SUMF1: variants seen among roughly 807,000 people sequenced by gnomAD.
SUMF1 encodes the protein sulfatase modifying factor 1, also known as formylglycine-generating enzyme.
SUMF1 carries 48 observed loss-of-function variants against 47.6 expected under a neutral mutation model. The ratio of observed to expected loss-of-function variants is 1.01; its 90% CI spans 0.80 to 1.28. The LOEUF is 1.28. SUMF1 is among the 50% of genes most tolerant of loss of function. The pLI, the probability that SUMF1 is intolerant of heterozygous loss-of-function variation, is 0.00. For synonymous variants in SUMF1, 230 were observed against 192.1 expected (o/e 1.20, Z -1.63); for missense variants, 571 against 485.4 (o/e 1.18, Z -1.66).
At chr3:4,366,110 T>A (rs11923315) in intron 8 of SUMF1, among the ~76,000 whole-genome samples, 3,020 of 152,010 alleles carry the variant, frequency 0.02, 103 homozygotes, top group African/African-American at 0.069. Flanking sequence ...GGGCTTCCCT[T>A]CGTGGGTAAC....
chr3:4,110,735 T>C (rs1477328447), intron 8 of SUMF1, among the ~76,000 whole-genome samples: 2 of 150,766 alleles, frequency 1.3e-5, no homozygotes, highest in African/African-American at 2.4e-5. Context: ...CAGCAATCTA[T>C]CGCAAGGACA....
rs137966605 is a variant in SUMF1 at position 4,173,860 on chromosome 3, C to G, written c.1015-105115G>C. Among the ~76,000 whole-genome samples the G allele has an allele frequency of 2.9e-3, 436 of 152,178 alleles. 3 individuals are homozygous for G. The highest frequency in any genetic ancestry group is 9.7e-3 in the African/African-American group (404 of 41,530). On this transcript the variant is annotated intron_variant and NMD_transcript_variant, in intron 8 of 12. Transcript: ENST00000448413. The stretch of plus-strand genomic sequence containing the variant: ...CACATGGACACAGGGAGGGGAACAT[C>G]ACACACGAGGGCCTGTCGGAGGTGG...
At chr3:4,376,481 C>T (rs1299414602) in intron 7 of SUMF1, 92 bp from the exon 8 acceptor site, 2 of 1,328,328 alleles carry the variant, frequency 1.5e-6, no homozygotes, top group Admixed American at 1.7e-5. Context: ...AACCAGCTCT[C>T]TCATGGTTGC....
At chr3:4,349,482 G>T (rs978699554) in intron 8 of SUMF1, among the ~76,000 whole-genome samples, 1 of 152,112 alleles carries the variant, frequency 6.6e-6, no homozygotes, top group African/African-American at 2.4e-5. Context: ...TACCATTCCT[G>T]GATATATACC....
At chr3:4,226,935 G>GTAA (rs764422279) in intron 8 of SUMF1, among the ~76,000 whole-genome samples, 48 of 152,090 alleles carry the variant, frequency 3.2e-4, no homozygotes, top group Admixed American at 9.8e-4. Context: ...ATCACTCTGG[G>GTAA]GGCTAAAACA....
At chr3:4,205,339 C>G (rs1695627910) in intron 8 of SUMF1, among the ~76,000 whole-genome samples, 1 of 152,168 alleles carries the variant, frequency 6.6e-6, no homozygotes, top group Non-Finnish European at 1.5e-5. Context: ...CCACCTTTTG[C>G]TGACTGTCTT....
At chr3:4,458,574 G>A (rs1055326660) in intron 1 of SUMF1, among the ~76,000 whole-genome samples, 8 of 152,046 alleles carry the variant, frequency 5.3e-5, no homozygotes, top group Non-Finnish European at 1.2e-4. Flanking sequence ...AAGAAAACTC[G>A]GCCAGGTGCG....
At chr3:4,148,830 A>G (rs561696234) in intron 8 of SUMF1, among the ~76,000 whole-genome samples, 2 of 152,154 alleles carry the variant, frequency 1.3e-5, no homozygotes, top group Non-Finnish European at 2.9e-5. Context: ...GAAATCACCA[A>G]ATCTCACATT....
At position 4,156,783 on chromosome 3, in the gene SUMF1, C is replaced by T. The variant is rs1489029461; in HGVS notation, c.1015-88038G>A. On this transcript the variant is annotated intron_variant and NMD_transcript_variant, in intron 8 of 12. Coordinates refer to the SUMF1 transcript ENST00000448413. ...TGCCCTAATTGCTAGACAACCCAAG[C>T]GAATTCAATCCATTTGAGTTCAACT... Among the ~76,000 whole-genome samples, 3 of 151,608 alleles carry T rather than the reference C, an allele frequency of 2.0e-5. 1 individual carries two copies. Among genetic ancestry groups the T allele is most frequent in the African/African-American group, 4.9e-5 (2 of 40,904 alleles).
intron 9 of SUMF1, among the ~76,000 whole-genome samples, chr3:4,042,430 T>TATC (rs1452527711): frequency 1.3e-5 from 2 of 152,134 alleles, no homozygotes; most frequent in African/African-American, 4.8e-5. Context: ...CAAGAAACAC[T>TATC]ATCACAATGA....
intron 3 of SUMF1, among the ~76,000 whole-genome samples, chr3:4,438,593 A>G (rs1702477600): frequency 6.6e-6 from 1 of 152,138 alleles, no homozygotes; most frequent in African/African-American, 2.4e-5. Flanking sequence ...GTAATTTTTC[A>G]TCTGAGGAAG....
intron 8 of SUMF1, among the ~76,000 whole-genome samples, chr3:4,154,760 T>C (rs954895360): frequency 1.3e-5 from 2 of 150,818 alleles, no homozygotes; most frequent in African/African-American, 4.9e-5. Flanking sequence ...TAAATAAGAG[T>C]TTTTCTAAGA....
intron 8 of SUMF1, among the ~76,000 whole-genome samples, chr3:4,086,428 G>A (rs57320257): frequency 0.084 from 12,739 of 151,898 alleles, 1,356 homozygotes; most frequent in African/African-American, 0.22. Context: ...TACAATATTG[G>A]ACAGCTGTGT....
intron 8 of SUMF1, among the ~76,000 whole-genome samples, chr3:4,332,605 T>A (rs959916559): frequency 1.3e-5 from 2 of 152,192 alleles, no homozygotes; most frequent in African/African-American, 4.8e-5. Context: ...TTCTTAAAGA[T>A]GTTTCTTTTA....
Position 4,210,859 on chromosome 3 carries a change from G to A in SUMF1, c.1015-142114C>T, listed in dbSNP as rs371819831. 4.9e-4 allele frequency among the ~76,000 whole-genome samples: 74 copies of A among 151,776 alleles called. No individual in the cohort carries two copies. In the South Asian group the frequency reaches 0.015, roughly 32 times the overall value. On this transcript the variant is annotated intron_variant and NMD_transcript_variant, in intron 8 of 12. Transcript: ENST00000448413. ...AGGCAGACCCACCCTTGATCTGGGTGGGCACCACCTAATCAGCTGCCAATA... is the reference window on the plus strand; with the variant it reads ...AGGCAGACCCACCCTTGATCTGGGTAGGCACCACCTAATCAGCTGCCAATA...
chr3:4,376,226 G>C (rs1700322653), intron 8 of SUMF1, 104 bp downstream of exon 8: 1 of 1,354,750 alleles, frequency 7.4e-7, no homozygotes, highest in Non-Finnish European at 1.1e-6. Context: ...GGTTAGGTAG[G>C]CATTTGCAGA....
intron 1 of SUMF1, among the ~76,000 whole-genome samples, chr3:4,457,162 A>C (rs1027501996): frequency 1.3e-5 from 2 of 150,754 alleles, no homozygotes; most frequent in Non-Finnish European, 2.9e-5. Context: ...GGATGGTCTC[A>C]ATCTCCTGAC....
At chr3:4,296,110 T>C (rs1023246797) in intron 8 of SUMF1, among the ~76,000 whole-genome samples, 3 of 103,324 alleles carry the variant, frequency 2.9e-5, no homozygotes, top group Admixed American at 2.7e-4. Context: ...CCATATGCCT[T>C]TGCTTTTTTA....
intron 8 of SUMF1, among the ~76,000 whole-genome samples, chr3:4,165,818 T>C (rs539146628): frequency 1.4e-5 from 2 of 147,148 alleles, no homozygotes; most frequent in South Asian, 2.1e-4. Context: ...CCTGAGTGTT[T>C]CCCAGCTGAA....
Sources: allele counts gnomAD v4.1 joint callset (sites outside exome capture counted in the v4.1 genomes callset), GRCh38; gene constraint gnomAD v4.1.1; transcripts MANE v1.5; gene names NCBI Gene and HGNC (gene_info 2026-07-23, HGNC 2026-07-21).